Variants in THEMIS observed in about 807,000 individuals in gnomAD.
THEMIS encodes protein THEMIS.
A neutral mutation model predicts 52.6 loss-of-function variants in THEMIS; 37 were observed. The ratio of observed to expected loss-of-function variants is 0.70; its 90% CI spans 0.54 to 0.93. The LOEUF (loss-of-function observed/expected upper bound fraction) is 0.93, where lower values mean the gene tolerates loss of function less well. Ranked by LOEUF, THEMIS falls within the 40% of genes least tolerant of loss-of-function variation. The pLI is 0.00. For missense variants in THEMIS, 808 were observed against 763.1 expected (o/e 1.06, Z -0.69); for synonymous variants, 292 against 272.7 (o/e 1.07, Z -0.70).
chr6:127,908,138 T>C (rs1184109258), intron 1 of THEMIS, among the ~76,000 whole-genome samples: 1 of 152,142 alleles, frequency 6.6e-6, no homozygotes, highest in African/African-American at 2.4e-5. Context: ...GTAGGATTCA[T>C]GTTTCTTCCC....
the THEMIS span, among the ~76,000 whole-genome samples, chr6:127,703,035 G>GGTTTGTTTTTTT: frequency 1.2e-5 from 1 of 82,352 alleles, no homozygotes; most frequent in Non-Finnish European, 2.1e-5. Context: ...TTTAGAATGA[G>GGTTTGTTTTTTT]TTTTTTTTTT....
chr6:127,908,322 A>G (rs1228271399), intron 1 of THEMIS, among the ~76,000 whole-genome samples: 1 of 152,120 alleles, frequency 6.6e-6, no homozygotes, highest in Admixed American at 6.6e-5. Flanking sequence ...TCACAATCCA[A>G]TGTATACAGT....
chr6:127,720,490 T>A (rs1239674169), intron 4 of THEMIS, among the ~76,000 whole-genome samples: 1 of 151,958 alleles, frequency 6.6e-6, no homozygotes, highest in Non-Finnish European at 1.5e-5. Context: ...AGACTTCAAT[T>A]GGAAATTAAA....
At chr6:127,904,031 T>C (rs542544462), upstream of THEMIS, among the ~76,000 whole-genome samples, 3 of 152,166 alleles carry the variant, frequency 2.0e-5, no homozygotes, top group African/African-American at 7.2e-5. Context: ...TCAAGGCTTT[T>C]ATGGGTTAGT....
intron 1 of THEMIS, among the ~76,000 whole-genome samples, chr6:127,897,358 G>A (rs1189978784): frequency 6.6e-6 from 1 of 151,294 alleles, no homozygotes; most frequent in Non-Finnish European, 1.5e-5. Flanking sequence ...TGAAACTATA[G>A]ACTAAGAAAG....
intron 4 of THEMIS, among the ~76,000 whole-genome samples, chr6:127,769,414 T>C (rs1471472869): frequency 6.6e-6 from 1 of 151,282 alleles, no homozygotes; most frequent in Non-Finnish European, 1.5e-5. Flanking sequence ...CTACAATATG[T>C]TCTTTGCTTT....
intron 4 of THEMIS, among the ~76,000 whole-genome samples, chr6:127,747,652 T>C (rs2114318887): frequency 6.6e-6 from 1 of 151,954 alleles, no homozygotes; most frequent in Admixed American, 6.6e-5. Flanking sequence ...ATGATAATCA[T>C]TTTTGCATAA....
intron 1 of THEMIS, among the ~76,000 whole-genome samples, chr6:127,884,666 G>A (rs1024723558): frequency 1.3e-5 from 2 of 152,152 alleles, no homozygotes; most frequent in Non-Finnish European, 2.9e-5. Flanking sequence ...TACAATGGAT[G>A]TCTAATATAC....
chr6:127,885,582 A>AGAC (rs72554119), intron 1 of THEMIS, among the ~76,000 whole-genome samples: 1 of 151,080 alleles, frequency 6.6e-6, no homozygotes, highest in Non-Finnish European at 1.5e-5. Flanking sequence ...AAGAAAGAAA[A>AGAC]GGAAGAAATG....
At chr6:127,870,591 C>T (rs1294522711) in intron 1 of THEMIS, among the ~76,000 whole-genome samples, 1 of 151,940 alleles carries the variant, frequency 6.6e-6, no homozygotes, top group Non-Finnish European at 1.5e-5. Flanking sequence ...CAAAGACATG[C>T]TATGACTCAC....
chr6:127,827,177 A>G (rs550561630), intron 3 of THEMIS, among the ~76,000 whole-genome samples: 56 of 152,208 alleles, frequency 3.7e-4, no homozygotes, highest in African/African-American at 1.3e-3. Context: ...TGAATCTTCA[A>G]TTTAAGAAAG....
intron 4 of THEMIS, among the ~76,000 whole-genome samples, chr6:127,810,972 T>C (rs901600859): frequency 3.3e-5 from 5 of 152,156 alleles, no homozygotes; most frequent in Admixed American, 6.6e-5. Context: ...GTTCCAATTA[T>C]TCCTGAAGCT....
intron 1 of THEMIS, among the ~76,000 whole-genome samples, chr6:127,884,871 C>T (rs1246921745): frequency 6.6e-6 from 1 of 152,162 alleles, no homozygotes; most frequent in African/African-American, 2.4e-5. Context: ...CTCACCTGGC[C>T]TCACATGGCC....
At chr6:127,745,090 G>C (rs1775341890) in intron 4 of THEMIS, among the ~76,000 whole-genome samples, 2 of 151,888 alleles carry the variant, frequency 1.3e-5, no homozygotes, top group Admixed American at 6.6e-5. Context: ...CCTGAGCTTA[G>C]AGATATTTAA....
At chr6:127,875,723 G>A (rs1222703207) in intron 1 of THEMIS, among the ~76,000 whole-genome samples, 2 of 152,290 alleles carry the variant, frequency 1.3e-5, no homozygotes, top group East Asian at 3.9e-4. Flanking sequence ...GAACAGCACA[G>A]TGGTATAAAA....
At chr6:127,879,826 C>T (rs1397837161) in intron 1 of THEMIS, among the ~76,000 whole-genome samples, 1 of 152,006 alleles carries the variant, frequency 6.6e-6, no homozygotes, top group Non-Finnish European at 1.5e-5. Flanking sequence ...TGGTCTTCAA[C>T]TATTTACAAC....
chr6:127,728,188 C>T (rs978061127), intron 4 of THEMIS, among the ~76,000 whole-genome samples: 20 of 152,092 alleles, frequency 1.3e-4, no homozygotes, highest in African/African-American at 2.4e-4. Context: ...CCTCATTGTT[C>T]GTCAGAATTT....
At chr6:127,835,502 C>T (rs566216741) in intron 2 of THEMIS, among the ~76,000 whole-genome samples, 2 of 152,212 alleles carry the variant, frequency 1.3e-5, no homozygotes, top group South Asian at 4.1e-4. Flanking sequence ...ATACAGGTAA[C>T]ATGATTAGGT....
chr6:127,742,325 AAAAC>A lies in THEMIS; in HGVS notation c.1759-22506_1759-22503del, dbSNP rs1459156033. On this transcript the variant is annotated intron_variant, in intron 4 of 5. Coordinates refer to ENST00000368248, the MANE Select transcript of THEMIS (RefSeq NM_001010923.3). ...GTGAGACTCTGCTTAAAAAAAAAAA[AAAAC>A]AAACAAAAAAACAAACAAAAAAACA... Among the ~76,000 whole-genome samples, 25 of 148,750 alleles carry A rather than the reference AAAAC, an allele frequency of 1.7e-4. No homozygotes were observed. The East Asian group carries it at 4.5e-3, about 27-fold the overall frequency.
Sources: allele counts gnomAD v4.1 joint callset (sites outside exome capture counted in the v4.1 genomes callset), GRCh38; gene constraint gnomAD v4.1.1; transcripts MANE v1.5; gene names NCBI Gene and HGNC (gene_info 2026-07-23, HGNC 2026-07-21).